The following TG variants were observed in gnomAD, a reference collection of about 807,000 sequenced individuals.
TG encodes the protein thyroid hormones.
TG carries 270 observed loss-of-function variants against 324.7 expected under a neutral mutation model. The ratio of observed to expected loss-of-function variants is 0.83; its 90% CI spans 0.75 to 0.92. The LOEUF (loss-of-function observed/expected upper bound fraction) is 0.92, where lower values mean the gene tolerates loss of function less well. Among genes scored for constraint, TG ranks in the 40% least tolerant of loss-of-function variants. TG has a pLI of 0.00. For missense variants in TG, 3,591 were observed against 3,456.4 expected, an observed-to-expected ratio of 1.04 and a Z score of -0.98; for synonymous variants, 1,401 against 1,327.0, an observed-to-expected ratio of 1.06 and a Z score of -1.21.
chr8:133,103,381 A>G (rs1451489159), intron 43 of TG, among the ~76,000 whole-genome samples: 1 of 152,078 alleles, frequency 6.6e-6, no homozygotes, highest in African/African-American at 2.4e-5. Context: ...CCCTGGAGCT[A>G]TAGCCCCACA....
At chr8:132,867,599 G>A (rs1839073556) in intron 1 of TG, among the ~76,000 whole-genome samples, 1 of 150,702 alleles carries the variant, frequency 6.6e-6, no homozygotes. Flanking sequence ...TTTCTGGGTA[G>A]GACCCTATGT....
intron 45 of TG, among the ~76,000 whole-genome samples, chr8:133,118,155 C>G (rs1383028842): frequency 6.6e-6 from 1 of 152,084 alleles, no homozygotes; most frequent in Non-Finnish European, 1.5e-5. Context: ...CCAGGGACTA[C>G]TTTATTACCT....
chr8:132,998,207 G>A (rs1454041868), intron 35 of TG, among the ~76,000 whole-genome samples: 1 of 151,848 alleles, frequency 6.6e-6, no homozygotes, highest in African/African-American at 2.4e-5. Context: ...GGGATGAGGG[G>A]GAAGGAAGCT....
At chr8:132,996,584 C>G (rs997871789) in intron 35 of TG, among the ~76,000 whole-genome samples, 4 of 152,068 alleles carry the variant, frequency 2.6e-5, no homozygotes, top group African/African-American at 9.7e-5. Context: ...ATCAGTGAAA[C>G]TAAAGCACAG....
At chr8:133,051,621 G>A (rs1217427068) in intron 41 of TG, among the ~76,000 whole-genome samples, 2 of 152,160 alleles carry the variant, frequency 1.3e-5, no homozygotes, top group Non-Finnish European at 2.9e-5. Flanking sequence ...AGGAATTCTG[G>A]TGAAGTTTTG....
chr8:133,002,684 G>A (rs543800507), intron 35 of TG: 16 of 233,708 alleles, frequency 6.8e-5, no homozygotes, highest in Admixed American at 1.6e-4. Context: ...GCTTCTCTGC[G>A]TGGAGCAAGC....
intron 41 of TG, chr8:133,047,844 C>T: frequency 6.3e-7 from 1 of 1,597,314 alleles, no homozygotes; most frequent in Non-Finnish European, 8.6e-7. Context: ...CTTGGTCTCA[C>T]TCTCTCTGAT....
intron 33 of TG, chr8:132,972,226 T>C (rs77233731): frequency 0.17 from 76,142 of 445,752 alleles, 7,780 homozygotes; most frequent in Middle Eastern, 0.24. Flanking sequence ...TACTAGTGTG[T>C]GATTCTGGAA....
At chr8:133,114,236 G>A (rs2979044) in intron 44 of TG, among the ~76,000 whole-genome samples, 140 of 152,286 alleles carry the variant, frequency 9.2e-4, no homozygotes, top group South Asian at 3.5e-3. Flanking sequence ...TCTGGGGCCC[G>A]CTGTTTCTTG....
Position 132,961,976 on chromosome 8 carries a change from T to C in TG, c.5467+903T>C, listed in dbSNP as rs558146989. Among the ~76,000 whole-genome samples the C allele has an allele frequency of 3.9e-5, 6 of 152,248 alleles. No homozygotes were observed. In the East Asian group the frequency reaches 1.2e-3, roughly 30 times the overall value. On this transcript the variant is annotated intron_variant, in intron 28 of 47. Transcript: ENST00000220616. ...TGGGAGCCCATGGACCAGCCCCTCA[T>C]GCCTAGATTCCCCATGGGTAACGTG...
chr8:132,921,024 C>T (rs1340087029), intron 21 of TG, among the ~76,000 whole-genome samples: 1 of 152,220 alleles, frequency 6.6e-6, no homozygotes, highest in Non-Finnish European at 1.5e-5. Context: ...TTTATGTCCT[C>T]ACATGGTCTT....
chr8:133,001,593 A>C (rs1238459392), intron 35 of TG, among the ~76,000 whole-genome samples: 1 of 152,246 alleles, frequency 6.6e-6, no homozygotes, highest in South Asian at 2.1e-4. Context: ...ATAGGCCACT[A>C]TGTCCTGGTT....
chr8:133,118,596 A>G (rs1309670459), intron 45 of TG, among the ~76,000 whole-genome samples: 1 of 152,084 alleles, frequency 6.6e-6, no homozygotes, highest in East Asian at 1.9e-4. Context: ...GAGTGCTGGG[A>G]TTACAGGCGT....
At chr8:133,109,267 T>C (rs529246058) in intron 43 of TG, among the ~76,000 whole-genome samples, 1 of 152,320 alleles carries the variant, frequency 6.6e-6, no homozygotes, top group African/African-American at 2.4e-5. Context: ...AAATGCACGT[T>C]CCTGGGCTCC....
At chr8:133,069,775 C>A (rs527830409) in intron 41 of TG, among the ~76,000 whole-genome samples, 1 of 151,682 alleles carries the variant, frequency 6.6e-6, no homozygotes, top group Non-Finnish European at 1.5e-5. Flanking sequence ...CTGAGGCAGG[C>A]GGATCATTTG....
intron 16 of TG, among the ~76,000 whole-genome samples, chr8:132,903,110 A>G (rs749470513): frequency 9.9e-5 from 15 of 152,168 alleles, no homozygotes; most frequent in Non-Finnish European, 4.4e-5. Context: ...GCTTTAGGAG[A>G]AGACAGGAGG....
intron 23 of TG, 67 bp downstream of exon 23, chr8:132,929,259 G>A (rs895335861): frequency 2.4e-5 from 29 of 1,207,412 alleles, no homozygotes; most frequent in African/African-American, 6.0e-5. Context: ...GAGAGTTGTC[G>A]AGACAAACCA....
At position 133,067,121 on chromosome 8, in the gene TG, C is replaced by T. The variant is rs116181458; in HGVS notation, c.7240-27923C>T. Reference sequence around the variant, plus strand: ...AGAGCTGGCACAGGGGCTTAGCATCCGGTGGTCTCCCTGGCAGGATTTCCG... The same window carrying T: ...AGAGCTGGCACAGGGGCTTAGCATCTGGTGGTCTCCCTGGCAGGATTTCCG... On this transcript the variant is annotated intron_variant, in intron 41 of 47. Coordinates refer to ENST00000220616, the MANE Select transcript of TG (RefSeq NM_003235.5). 3.6e-3 allele frequency among the ~76,000 whole-genome samples: 548 copies of T among 152,268 alleles called. 4 individuals are homozygous for T. Among genetic ancestry groups the T allele is most frequent in the African/African-American group, 0.012 (518 of 41,554 alleles).
chr8:132,930,897 A>G (rs1822615558), intron 23 of TG, among the ~76,000 whole-genome samples: 1 of 152,210 alleles, frequency 6.6e-6, no homozygotes, highest in South Asian at 2.1e-4. Context: ...AGGTCCAGCA[A>G]GATGCCATCC....
Sources: allele counts gnomAD v4.1 joint callset (sites outside exome capture counted in the v4.1 genomes callset), GRCh38; gene constraint gnomAD v4.1.1; transcripts MANE v1.5; gene names NCBI Gene and HGNC (gene_info 2026-07-23, HGNC 2026-07-21).